The following TSNAX variants were observed in gnomAD, a reference collection of about 807,000 sequenced individuals.
The protein encoded by TSNAX is translin associated factor X.
A neutral mutation model predicts 33.0 loss-of-function variants in TSNAX; 12 were observed. That is an observed-to-expected ratio of 0.36 (90% CI 0.23 to 0.59). The LOEUF (loss-of-function observed/expected upper bound fraction) is 0.59. Among genes scored for constraint, TSNAX ranks in the 20% least tolerant of loss-of-function variants. The pLI, the probability that TSNAX is intolerant of heterozygous loss-of-function variation, is 0.74. For synonymous variants in TSNAX, 110 were observed against 117.2 expected (o/e 0.94, Z 0.40); for missense variants, 267 against 341.3 (o/e 0.78, Z 1.72).
Position 231,564,809 on chromosome 1 carries a change from C to T in TSNAX, c.777C>T (p.Ala259=), listed in dbSNP as rs1239478476. The T allele has an allele frequency of 1.2e-6, 2 of 1,614,122 alleles. No homozygotes were observed. Among genetic ancestry groups the T allele is most frequent in the African/African-American group, 1.3e-5 (1 of 75,022 alleles). Residue 259 remains alanine (A), a synonymous_variant, in exon 6 of 6, where the codon GCC becomes GCT. Transcript: ENST00000366639. ...SLAKVENACY[A]LKVRGSEIPK... ...CCAAAGTGGAGAATGCTTGTTATGC[C>T]TTGAAAGTCAGAGGGTCAGAAATTC...
chr1:231,562,525 A>G (rs1053069713), intron 5 of TSNAX, among the ~76,000 whole-genome samples: 14 of 152,128 alleles, frequency 9.2e-5, no homozygotes, highest in African/African-American at 3.4e-4. Flanking sequence ...AAGTAGGTCT[A>G]TTTGACCCTG....
At chr1:231,531,406 A>T (rs1658707345) in intron 2 of TSNAX, among the ~76,000 whole-genome samples, 1 of 152,194 alleles carries the variant, frequency 6.6e-6, no homozygotes, top group South Asian at 2.1e-4. Flanking sequence ...TGAACAAGAA[A>T]CGTGGTTTCT....
At chr1:231,546,617 G>A (rs1390924308) in intron 4 of TSNAX, among the ~76,000 whole-genome samples, 1 of 152,210 alleles carries the variant, frequency 6.6e-6, no homozygotes, top group African/African-American at 2.4e-5. Flanking sequence ...GATTAAGAGA[G>A]AAGTACCAGA....
At chr1:231,555,888 C>G (rs1209116640) in intron 4 of TSNAX, among the ~76,000 whole-genome samples, 1 of 151,826 alleles carries the variant, frequency 6.6e-6, no homozygotes, top group Non-Finnish European at 1.5e-5. Context: ...TTTGGACATG[C>G]AAGAGTAGAA....
At chr1:231,539,898 A>C (rs907638517) in intron 3 of TSNAX, among the ~76,000 whole-genome samples, 3 of 152,200 alleles carry the variant, frequency 2.0e-5, no homozygotes. Context: ...ATACTTCATG[A>C]AAGAGGCTGG....
At chr1:231,561,002 GC>G in intron 4 of TSNAX, 125 bp from the exon 5 acceptor site, 1 of 878,790 alleles carries the variant, frequency 1.1e-6, no homozygotes, top group Admixed American at 2.9e-5. Context: ...TCTAGTACTG[GC>G]ATTGTAGTAG....
At chr1:231,531,964 G>T (rs1038858566) in intron 2 of TSNAX, among the ~76,000 whole-genome samples, 1 of 151,798 alleles carries the variant, frequency 6.6e-6, no homozygotes, top group Non-Finnish European at 1.5e-5. Flanking sequence ...TGGCTACTCC[G>T]GAGGGGCTGG....
chr1:231,528,850 C>T, intron 1 of TSNAX, 24 bp downstream of exon 1: 7 of 1,614,042 alleles, frequency 4.3e-6, no homozygotes, highest in Non-Finnish European at 5.9e-6. Flanking sequence ...CAACACGGGG[C>T]GTTATTTATC....
intron 5 of TSNAX, 152 bp from the exon 6 acceptor site, chr1:231,564,376 T>A: frequency 7.1e-7 from 1 of 1,415,130 alleles, no homozygotes; most frequent in Non-Finnish European, 9.3e-7. Context: ...CAAAACAGAT[T>A]TATTTTATTT....
At chr1:231,546,085 G>T (rs1659896373) in intron 4 of TSNAX, among the ~76,000 whole-genome samples, 1 of 152,046 alleles carries the variant, frequency 6.6e-6, no homozygotes, top group Non-Finnish European at 1.5e-5. Flanking sequence ...AACTTCTAAT[G>T]TGTAATCTCT....
chr1:231,539,137 G>C (rs1659388205), intron 3 of TSNAX, among the ~76,000 whole-genome samples: 1 of 151,984 alleles, frequency 6.6e-6, no homozygotes, highest in South Asian at 2.1e-4. Flanking sequence ...ATCATTCTTA[G>C]ATAGCTTGTA....
intron 4 of TSNAX, among the ~76,000 whole-genome samples, chr1:231,546,733 C>T (rs193130397): frequency 6.6e-6 from 1 of 152,124 alleles, no homozygotes; most frequent in South Asian, 2.1e-4. Context: ...TCTTGAAGAC[C>T]AGGCTTTGTA....
intron 2 of TSNAX, among the ~76,000 whole-genome samples, chr1:231,530,069 A>G (rs906324707): frequency 6.6e-6 from 1 of 152,220 alleles, no homozygotes; most frequent in African/African-American, 2.4e-5. Context: ...TCCTGTCCAC[A>G]TGAACTTCTT....
intron 4 of TSNAX, chr1:231,554,809 A>T (rs999268173): frequency 6.6e-6 from 1 of 152,222 alleles, no homozygotes; most frequent in African/African-American, 2.4e-5. Flanking sequence ...GTCAAGAAGC[A>T]GGTAAGATGG....
At chr1:231,550,285 AC>A (rs762393034) in intron 4 of TSNAX, among the ~76,000 whole-genome samples, 18 of 152,130 alleles carry the variant, frequency 1.2e-4, no homozygotes, top group Non-Finnish European at 2.2e-4. Context: ...TACAAATGTT[AC>A]TTTGGAGTGG....
chr1:231,542,634 G>GTAA, intron 4 of TSNAX, 23 bp downstream of exon 4: 3 of 1,603,656 alleles, frequency 1.9e-6, no homozygotes, highest in Non-Finnish European at 2.6e-6. Flanking sequence ...TTGTTTCAGG[G>GTAA]TAATATATAT....
chr1:231,537,760 GAA>G (rs1659277716), intron 3 of TSNAX, among the ~76,000 whole-genome samples: 1 of 149,354 alleles, frequency 6.7e-6, no homozygotes, highest in African/African-American at 2.5e-5. Context: ...AAAAAAAAAG[GAA>G]AAGTCTGTAG....
chr1:231,566,284 C>T lies in TSNAX; in HGVS notation c.*1379C>T, dbSNP rs1661433839. The T allele has an allele frequency of 6.6e-6, 1 of 152,362 alleles. No homozygotes were observed. The highest frequency in any genetic ancestry group is 2.4e-5 in the African/African-American group (1 of 41,384). 9.4% of individuals were successfully genotyped at this position (152,362 alleles called of 1,614,324 possible). A position where few individuals can be genotyped will look rare whatever the true frequency, so the allele number is the denominator to read the frequency against. On this transcript the variant is annotated 3_prime_UTR_variant, in exon 6 of 6. Transcript: ENST00000366639. Reference sequence around the variant, plus strand: ...CACAGTTGAGAATAACAATGGTAATCGTTAGTAATATTTAGAATTGGAATT... The same window carrying T: ...CACAGTTGAGAATAACAATGGTAATTGTTAGTAATATTTAGAATTGGAATT...
At chr1:231,557,641 T>A (rs1247300991) in intron 4 of TSNAX, among the ~76,000 whole-genome samples, 1 of 152,086 alleles carries the variant, frequency 6.6e-6, no homozygotes, top group African/African-American at 2.4e-5. Flanking sequence ...TCTGAGTGTG[T>A]TTCAGTATTT....
Sources: allele counts gnomAD v4.1 joint callset (sites outside exome capture counted in the v4.1 genomes callset), GRCh38; gene constraint gnomAD v4.1.1; transcripts MANE v1.5; gene names NCBI Gene and HGNC (gene_info 2026-07-23, HGNC 2026-07-21).